PRMT8: variants seen among roughly 807,000 people sequenced by gnomAD.
The protein encoded by PRMT8 is protein arginine methyltransferase 8.
Under a neutral mutation model 47.1 loss-of-function variants are expected in PRMT8, and 7 were observed. That is an observed-to-expected ratio of 0.15 (90% confidence interval 0.08 to 0.28). The LOEUF is 0.28. Ranked by LOEUF, PRMT8 falls within the 10% of genes least tolerant of loss-of-function variation. PRMT8 has a pLI of 1.00. For synonymous variants in PRMT8, 188 were observed against 186.5 expected (o/e 1.01, Z -0.07); for missense variants, 237 against 505.4 (o/e 0.47, Z 5.09).
intron 1 of PRMT8, among the ~76,000 whole-genome samples, chr12:3,398,084 C>A (rs935579431): frequency 2.0e-5 from 3 of 152,148 alleles, no homozygotes; most frequent in Non-Finnish European, 4.4e-5. Flanking sequence ...GTGCGCGCAC[C>A]CACTGACCTG....
In PRMT8 at chr12:3,514,431, G is replaced by A. The variant is rs1176783724; in HGVS notation, c.75+22731G>A. ...GCTGCAAGACGTGGTTTAGAGAGGGGTTGCTCACCCAGGCCTGCAGAGCCT... is the reference window on the plus strand; with the variant it reads ...GCTGCAAGACGTGGTTTAGAGAGGGATTGCTCACCCAGGCCTGCAGAGCCT... On this transcript the variant is annotated intron_variant, in intron 1 of 9. Coordinates refer to ENST00000382622, the MANE Select transcript of PRMT8 (RefSeq NM_019854.5). The surrounding 1 kb of genome is among the most constrained non-coding windows in gnomAD (Gnocchi z 5.9). Among the ~76,000 whole-genome samples the A allele has an allele frequency of 6.6e-6, 1 of 152,110 alleles. No homozygotes were observed. The highest frequency in any genetic ancestry group is 1.5e-5 in the Non-Finnish European group (1 of 68,010).
At chr12:3,563,913 G>C (rs748823921) in intron 4 of PRMT8, among the ~76,000 whole-genome samples, 17 of 150,620 alleles carry the variant, frequency 1.1e-4, no homozygotes, top group Non-Finnish European at 2.2e-4. Flanking sequence ...AATATCTTTT[G>C]TCTCTTAACC....
At chr12:3,509,894 A>T (rs975586396) in intron 1 of PRMT8, among the ~76,000 whole-genome samples, 2 of 152,238 alleles carry the variant, frequency 1.3e-5, no homozygotes, top group African/African-American at 4.8e-5. Flanking sequence ...ATTTTCGCAT[A>T]GACAAGTGTA....
intron 1 of PRMT8, among the ~76,000 whole-genome samples, chr12:3,403,666 C>G (rs1322971247): frequency 6.6e-6 from 1 of 151,710 alleles, no homozygotes; most frequent in Admixed American, 6.6e-5. Context: ...ATCACTTGAG[C>G]TCAGGAGCTT....
At position 3,572,928 on chromosome 12, in the gene PRMT8, T is replaced by C. The variant is rs1866875839; in HGVS notation, c.712+3364T>C. 6.6e-6 allele frequency among the ~76,000 whole-genome samples: 1 copy of C among 152,352 alleles called. No homozygotes were observed. Among genetic ancestry groups the C allele is most frequent in the African/African-American group, 2.4e-5 (1 of 41,592 alleles). ...ACTGTTTTTGAGATTTCTGTCTTTA[T>C]TGATTTTCTGCAGTTTGATTCTGAT... On this transcript the variant is annotated intron_variant, in intron 6 of 9. Transcript: ENST00000382622. This position sits in a 1 kb window ranked among gnomAD's most constrained non-coding sequence, Gnocchi z 5.9.
intron 1 of PRMT8, among the ~76,000 whole-genome samples, chr12:3,476,714 A>G (rs1331023233): frequency 2.0e-5 from 3 of 152,190 alleles, no homozygotes; most frequent in East Asian, 1.9e-4. Context: ...CAGTGGAAGG[A>G]TGCCTTCCCT....
At chr12:3,387,101 G>C (rs757879965) in intron 1 of PRMT8, among the ~76,000 whole-genome samples, 3 of 152,198 alleles carry the variant, frequency 2.0e-5, no homozygotes, top group Non-Finnish European at 4.4e-5. Flanking sequence ...TGCATCCCAA[G>C]TGCCTGACAC....
chr12:3,545,647 A>G (rs1866314538), intron 2 of PRMT8, among the ~76,000 whole-genome samples: 1 of 152,172 alleles, frequency 6.6e-6, no homozygotes, highest in South Asian at 2.1e-4. Flanking sequence ...ATGTAGCACC[A>G]CCTGGCTGAG....
chr12:3,482,697 G>C (rs1036946708), intron 1 of PRMT8, among the ~76,000 whole-genome samples: 2 of 152,276 alleles, frequency 1.3e-5, no homozygotes, highest in Admixed American at 1.3e-4. Context: ...TTTTACACTT[G>C]TATGTGTGCC....
At chr12:3,413,752 G>A (rs1378157884) in intron 1 of PRMT8, among the ~76,000 whole-genome samples, 1 of 151,892 alleles carries the variant, frequency 6.6e-6, no homozygotes, top group African/African-American at 2.4e-5. Context: ...GTACATGACT[G>A]TATTCGGGGG....
chr12:3,575,653 T>C (rs1336957391), intron 6 of PRMT8, among the ~76,000 whole-genome samples: 2 of 152,234 alleles, frequency 1.3e-5, no homozygotes, highest in Non-Finnish European at 2.9e-5. Flanking sequence ...ATCTGCAGCA[T>C]AGCAATATCC....
At chr12:3,577,096 C>A in intron 7 of PRMT8, 110 bp downstream of exon 7, 1 of 885,240 alleles carries the variant, frequency 1.1e-6, no homozygotes, top group East Asian at 2.5e-5. Flanking sequence ...TGAGGCAAGG[C>A]TGCCTTGGCC....
chr12:3,559,419 G>A (rs767007043), intron 4 of PRMT8, among the ~76,000 whole-genome samples: 2 of 152,178 alleles, frequency 1.3e-5, no homozygotes, highest in Non-Finnish European at 2.9e-5. Flanking sequence ...CTCCCAGGCT[G>A]TTTCACTGGG....
intron 1 of PRMT8, among the ~76,000 whole-genome samples, chr12:3,539,743 A>C (rs965611315): frequency 6.6e-6 from 1 of 152,202 alleles, no homozygotes; most frequent in Non-Finnish European, 1.5e-5. Flanking sequence ...GGGCAGCAGC[A>C]GTGGGTGTAG....
chr12:3,396,478 G>A (rs1025946679), intron 1 of PRMT8, among the ~76,000 whole-genome samples: 2 of 152,152 alleles, frequency 1.3e-5, no homozygotes, highest in African/African-American at 4.8e-5. Context: ...ATGAAGCTTA[G>A]TTTGGCTGGA....
Position 3,453,727 on chromosome 12 carries a change from T to TCCTGCGGCAC in PRMT8, c.48+72290_48+72299dup, listed in dbSNP as rs1235745359. ...TCCTCGTCTGTTCTGCCCACACATCTCCTGCGGCACCCTGTGGTCTGTGTC... is the reference window on the plus strand; with the variant it reads ...TCCTCGTCTGTTCTGCCCACACATCTCCTGCGGCACCCTGCGGCACCCTGTGGTCTGTGTC... On this transcript the variant is annotated intron_variant, in intron 1 of 9. Coordinates refer to the PRMT8 transcript ENST00000452611. This position sits in a 1 kb window ranked among gnomAD's most constrained non-coding sequence, Gnocchi z 4.9. Among the ~76,000 whole-genome samples, 2 of 152,110 alleles carry TCCTGCGGCAC rather than the reference T, an allele frequency of 1.3e-5. No homozygotes were observed. The highest frequency in any genetic ancestry group is 4.8e-5 in the African/African-American group (2 of 41,404).
intron 1 of PRMT8, among the ~76,000 whole-genome samples, chr12:3,443,453 G>A (rs1864824481): frequency 1.3e-5 from 2 of 151,990 alleles, no homozygotes; most frequent in South Asian, 4.2e-4. Context: ...CCCTTCTCCT[G>A]TCTAACTCAC....
At chr12:3,575,966 C>G (rs1866936355) in intron 6 of PRMT8, among the ~76,000 whole-genome samples, 1 of 152,144 alleles carries the variant, frequency 6.6e-6, no homozygotes. Flanking sequence ...TTGCAGTGAG[C>G]CCAGATTAGG....
At chr12:3,396,269 T>G (rs1864247829) in intron 1 of PRMT8, among the ~76,000 whole-genome samples, 1 of 152,172 alleles carries the variant, frequency 6.6e-6, no homozygotes, top group Non-Finnish European at 1.5e-5. Context: ...TGTTAGCTGG[T>G]TATTTTGCTG....
Sources: gnomAD v4.1 joint callset for allele counts (sites outside exome capture counted in the v4.1 genomes callset) on GRCh38, gnomAD v4.1.1 for gene constraint, Gnocchi (gnomAD v3.1) non-coding constraint, MANE v1.5 for transcripts, NCBI Gene and HGNC (gene_info 2026-07-23, HGNC 2026-07-21) for gene names.